The following FHIT variants were observed in gnomAD, a reference collection of about 807,000 sequenced individuals.
FHIT encodes bis(5'-adenosyl)-triphosphatase.
FHIT carries 19 observed loss-of-function variants against 17.9 expected under a neutral mutation model. The ratio of observed to expected loss-of-function variants is 1.06; its 90% confidence interval spans 0.74 to 1.56. The LOEUF is 1.56. FHIT is among the 40% of genes most tolerant of loss of function. FHIT has a pLI of 0.00. For synonymous variants in FHIT, 81 were observed against 69.7 expected (o/e 1.16, Z -0.81); for missense variants, 248 against 189.2 (o/e 1.31, Z -1.82).
chr3:60,336,118 T>C (rs778161075), intron 5 of FHIT, among the ~76,000 whole-genome samples: 3 of 152,216 alleles, frequency 2.0e-5, no homozygotes, highest in Non-Finnish European at 4.4e-5. Context: ...TAATTCTCCA[T>C]GGGCTCTCTC....
chr3:60,956,395 TTC>T (rs199517170), intron 3 of FHIT, among the ~76,000 whole-genome samples: 1 of 152,092 alleles, frequency 6.6e-6, no homozygotes, highest in African/African-American at 2.4e-5. Context: ...GGTTGAAACA[TTC>T]TCTCTCTCTT....
intron 5 of FHIT, among the ~76,000 whole-genome samples, chr3:60,510,644 C>T (rs933002889): frequency 2.8e-4 from 42 of 151,954 alleles, no homozygotes; most frequent in Non-Finnish European, 5.9e-5. Flanking sequence ...GATGTGAGTT[C>T]AAGTCTCTGG....
At chr3:60,154,955 C>T (rs7645950) in intron 5 of FHIT, among the ~76,000 whole-genome samples, 107,865 of 151,868 alleles carry the variant, frequency 0.71, 40,075 homozygotes, top group Non-Finnish European at 0.83. Flanking sequence ...ATCCGAGCAT[C>T]TTGGGAGGCC....
chr3:60,865,281 A>T (rs185822070), intron 3 of FHIT, among the ~76,000 whole-genome samples: 3 of 152,316 alleles, frequency 2.0e-5, no homozygotes, highest in Admixed American at 6.5e-5. Context: ...ATTTAAATTT[A>T]AATAAGGTAA....
Position 60,687,212 on chromosome 3 carries a change from G to GA in FHIT, c.-18+134706dup, listed in dbSNP as rs1416210438. ...ATTTGCTTGTTGGTCTTATTTAACA[G>GA]AAAAAAAAGGAGTCTCTATTTATTA... On this transcript the variant is annotated intron_variant, in intron 4 of 9. Transcript: ENST00000492590. Among the ~76,000 whole-genome samples, 378 of 151,470 alleles carry GA rather than the reference G, an allele frequency of 2.5e-3. 1 individual carries two copies. The highest frequency in any genetic ancestry group is 0.01 in the Middle Eastern group (3 of 294).
At chr3:60,448,371 A>T (rs543192514) in intron 5 of FHIT, among the ~76,000 whole-genome samples, 63 of 152,340 alleles carry the variant, frequency 4.1e-4, no homozygotes, top group African/African-American at 1.5e-3. Context: ...CAAACAAAAA[A>T]TAATTTTAGC....
intron 4 of FHIT, among the ~76,000 whole-genome samples, chr3:60,573,968 C>T (rs139657797): frequency 2.0e-5 from 3 of 152,120 alleles, no homozygotes; most frequent in African/African-American, 7.2e-5. Context: ...CACCACCACA[C>T]CTGGATAATT....
rs181760404 is a variant in FHIT at position 60,598,146 on chromosome 3, G to T, written c.-17-61167C>A. The stretch of plus-strand genomic sequence containing the variant: ...GCAATTTAATTCCAGCCTTCATATT[G>T]GAGAGCACATAGGCAACTTAATATT... On this transcript the variant is annotated intron_variant, in intron 4 of 9. Coordinates refer to ENST00000492590, the MANE Select transcript of FHIT (RefSeq NM_002012.4). Among the ~76,000 whole-genome samples the T allele has an allele frequency of 1.4e-4, 22 of 152,226 alleles. 1 individual carries two copies. The East Asian group carries it at 2.1e-3, about 15-fold the overall frequency.
At chr3:60,099,910 T>C (rs1396994579) in intron 5 of FHIT, among the ~76,000 whole-genome samples, 1 of 152,216 alleles carries the variant, frequency 6.6e-6, no homozygotes, top group African/African-American at 2.4e-5. Context: ...AAAGTATTTT[T>C]CGTGAATGAA....
intron 8 of FHIT, among the ~76,000 whole-genome samples, chr3:59,860,694 G>C (rs1441339922): frequency 1.3e-5 from 2 of 152,078 alleles, no homozygotes. Context: ...TGAAAAGTGA[G>C]ATAAAACATC....
chr3:60,095,984 A>C (rs1190025400), intron 5 of FHIT, among the ~76,000 whole-genome samples: 3 of 152,270 alleles, frequency 2.0e-5, no homozygotes, highest in Non-Finnish European at 4.4e-5. Context: ...AGGGAATCAT[A>C]AAAAGACCAG....
chr3:61,065,112 C>G (rs79984371), intron 2 of FHIT, among the ~76,000 whole-genome samples: 5,153 of 152,202 alleles, frequency 0.034, 127 homozygotes, highest in South Asian at 0.077. Flanking sequence ...AAAAAAAAGA[C>G]ACATGAAGAT....
intron 3 of FHIT, among the ~76,000 whole-genome samples, chr3:60,855,857 A>G (rs964566055): frequency 6.6e-6 from 1 of 152,130 alleles, no homozygotes; most frequent in Non-Finnish European, 1.5e-5. Context: ...GACAAGATGA[A>G]TGAGTTACAA....
intron 5 of FHIT, among the ~76,000 whole-genome samples, chr3:60,044,191 T>G (rs1701557466): frequency 6.6e-6 from 1 of 152,082 alleles, no homozygotes; most frequent in African/African-American, 2.4e-5. Flanking sequence ...AAAACATGGG[T>G]TTGCTGAATA....
chr3:60,041,211 G>A (rs1288754279), intron 5 of FHIT, among the ~76,000 whole-genome samples: 2 of 152,144 alleles, frequency 1.3e-5, no homozygotes, highest in East Asian at 3.9e-4. Context: ...AAGGAGACTT[G>A]CAGATCCAAC....
intron 5 of FHIT, among the ~76,000 whole-genome samples, chr3:60,055,199 T>C (rs1702032901): frequency 6.6e-6 from 1 of 152,136 alleles, no homozygotes; most frequent in Non-Finnish European, 1.5e-5. Context: ...GATGCTGAGA[T>C]GCTCCAAAAC....
At chr3:60,909,305 G>T (rs948283331) in intron 3 of FHIT, among the ~76,000 whole-genome samples, 11 of 148,718 alleles carry the variant, frequency 7.4e-5, no homozygotes, top group Non-Finnish European at 1.5e-5. Context: ...GAAGGTGGAG[G>T]TTGCAGTGAG....
At chr3:61,093,610 G>A (rs1409970012) in intron 2 of FHIT, among the ~76,000 whole-genome samples, 1 of 152,220 alleles carries the variant, frequency 6.6e-6, no homozygotes, top group Non-Finnish European at 1.5e-5. Flanking sequence ...TAGGAAAGTA[G>A]ATCAGAGCAG....
intron 3 of FHIT, among the ~76,000 whole-genome samples, chr3:60,931,722 G>C (rs1553771854): frequency 6.6e-6 from 1 of 152,208 alleles, no homozygotes; most frequent in African/African-American, 2.4e-5. Flanking sequence ...ATCTCTGGGA[G>C]AGCTTGGTGA....
Sources: allele counts gnomAD v4.1 joint callset (sites outside exome capture counted in the v4.1 genomes callset), GRCh38; gene constraint gnomAD v4.1.1; transcripts MANE v1.5; gene names NCBI Gene and HGNC (gene_info 2026-07-23, HGNC 2026-07-21).